PELI2: variants seen among roughly 807,000 people sequenced by gnomAD.
PELI2 encodes pellino E3 ubiquitin protein ligase family member 2.
A neutral mutation model predicts 42.3 loss-of-function variants in PELI2; 23 were observed. The ratio of observed to expected loss-of-function variants is 0.54; its 90% CI spans 0.39 to 0.77. The LOEUF (loss-of-function observed/expected upper bound fraction) is 0.77, where lower values mean the gene tolerates loss of function less well. Ranked by LOEUF, PELI2 falls within the 30% of genes least tolerant of loss-of-function variation. PELI2 has a pLI of 0.00. For missense variants in PELI2, 463 were observed against 553.2 expected (o/e 0.84, Z 1.64); for synonymous variants, 245 against 212.2 (o/e 1.15, Z -1.34).
chr14:56,213,165 AG>A (rs1283107283), intron 2 of PELI2, among the ~76,000 whole-genome samples: 1 of 152,260 alleles, frequency 6.6e-6, no homozygotes, highest in African/African-American at 2.4e-5. Flanking sequence ...TCTGAAGAAT[AG>A]GAACTCTGGC....
intron 2 of PELI2, among the ~76,000 whole-genome samples, chr14:56,223,889 A>G (rs2139755071): frequency 6.6e-6 from 1 of 152,348 alleles, no homozygotes; most frequent in East Asian, 1.9e-4. Flanking sequence ...AGTTCGTGTC[A>G]TATAATACTT....
At chr14:56,213,781 T>C (rs1287289290) in intron 2 of PELI2, among the ~76,000 whole-genome samples, 3 of 152,238 alleles carry the variant, frequency 2.0e-5, no homozygotes, top group Non-Finnish European at 4.4e-5. Context: ...TTTAGTTGGA[T>C]TTCTCCTGAA....
intron 1 of PELI2, among the ~76,000 whole-genome samples, chr14:56,151,347 C>A (rs761551209): frequency 1.3e-5 from 2 of 152,192 alleles, no homozygotes; most frequent in Non-Finnish European, 2.9e-5. Context: ...TTATCTTTAC[C>A]CCATGCTTAC....
At chr14:56,272,112 C>A (rs1889128090) in intron 2 of PELI2, among the ~76,000 whole-genome samples, 1 of 152,186 alleles carries the variant, frequency 6.6e-6, no homozygotes, top group South Asian at 2.1e-4. Context: ...ACAAAGAAGA[C>A]TATGCAGAGT....
chr14:56,175,039 A>G (rs996018109), intron 1 of PELI2, among the ~76,000 whole-genome samples: 1 of 152,056 alleles, frequency 6.6e-6, no homozygotes, highest in African/African-American at 2.4e-5. Context: ...TTTGTCACCC[A>G]GGCTGGAGTA....
chr14:56,187,923 G>T (rs149781806), intron 2 of PELI2, among the ~76,000 whole-genome samples: 1 of 152,168 alleles, frequency 6.6e-6, no homozygotes, highest in Non-Finnish European at 1.5e-5. Flanking sequence ...TCTGTGCTCC[G>T]CAGGTGGCCA....
intron 2 of PELI2, among the ~76,000 whole-genome samples, chr14:56,207,032 A>T (rs946880084): frequency 4.6e-5 from 7 of 152,220 alleles, no homozygotes; most frequent in Non-Finnish European, 1.0e-4. Flanking sequence ...TTCTGCAGAG[A>T]AATCCTGGAG....
intron 1 of PELI2, among the ~76,000 whole-genome samples, chr14:56,154,816 G>C (rs1349262518): frequency 6.6e-6 from 1 of 152,122 alleles, no homozygotes; most frequent in Non-Finnish European, 1.5e-5. Flanking sequence ...CTTTTATAAG[G>C]GTGTTGATGA....
intron 5 of PELI2, among the ~76,000 whole-genome samples, chr14:56,294,140 G>T (rs1228318492): frequency 6.6e-6 from 1 of 152,156 alleles, no homozygotes; most frequent in Non-Finnish European, 1.5e-5. Context: ...ATCATTTGTT[G>T]GGACCTTAAC....
chr14:56,300,788 G>GT lies in PELI2; in HGVS notation c.*3623dup, dbSNP rs1342826111. 6.6e-5 allele frequency: 10 copies of GT among 152,142 alleles called. No individual in the cohort carries two copies. The highest frequency in any genetic ancestry group is 2.4e-4 in the African/African-American group (10 of 41,418). 9.4% of individuals were successfully genotyped at this position (152,142 alleles called of 1,614,324 possible). A position where few individuals can be genotyped will look rare whatever the true frequency, so the allele number is the denominator to read the frequency against. On this transcript the variant is annotated 3_prime_UTR_variant, in exon 6 of 6. Transcript: ENST00000267460. ...CCTTTACTGTCAATCTTCTGTCCCA[G>GT]TAGTTTAGCCTTTGTGGCTTAGGTT...
intron 1 of PELI2, among the ~76,000 whole-genome samples, chr14:56,147,469 T>C (rs921481083): frequency 1.3e-5 from 2 of 152,210 alleles, no homozygotes; most frequent in African/African-American, 4.8e-5. Flanking sequence ...TGAAAATCAC[T>C]GGTGGGATGG....
chr14:56,257,263 C>G (rs987869095), intron 2 of PELI2, among the ~76,000 whole-genome samples: 3 of 151,952 alleles, frequency 2.0e-5, no homozygotes, highest in African/African-American at 7.3e-5. Context: ...ATGATCCTAC[C>G]CCCTCAGAGC....
chr14:56,292,270 C>T (rs1461174171), intron 5 of PELI2, among the ~76,000 whole-genome samples: 2 of 152,132 alleles, frequency 1.3e-5, no homozygotes, highest in Non-Finnish European at 2.9e-5. Flanking sequence ...TTAACCTGGC[C>T]AGTTACAAAG....
chr14:56,123,183 T>C (rs76266465), intron 1 of PELI2, among the ~76,000 whole-genome samples: 3,098 of 152,078 alleles, frequency 0.02, 50 homozygotes, highest in Middle Eastern at 0.058. Flanking sequence ...TGGTCTTTTT[T>C]TTTTTTTTAA....
intron 2 of PELI2, among the ~76,000 whole-genome samples, chr14:56,227,801 T>C (rs775690990): frequency 3.3e-5 from 5 of 152,100 alleles, no homozygotes; most frequent in Non-Finnish European, 7.4e-5. Flanking sequence ...ACCTGAACAT[T>C]GTGTTGTGCC....
intron 2 of PELI2, among the ~76,000 whole-genome samples, chr14:56,232,524 A>G (rs916903507): frequency 1.5e-4 from 23 of 152,118 alleles, no homozygotes; most frequent in Non-Finnish European, 2.9e-5. Flanking sequence ...GATTATCTCA[A>G]TAGATGCAGA....
chr14:56,128,270 C>G (rs1483922786), intron 1 of PELI2, among the ~76,000 whole-genome samples: 1 of 152,204 alleles, frequency 6.6e-6, no homozygotes, highest in African/African-American at 2.4e-5. Flanking sequence ...AAGGGCAAGA[C>G]AGATGACTTA....
At chr14:56,294,102 G>A (rs1889924088) in intron 5 of PELI2, among the ~76,000 whole-genome samples, 1 of 152,226 alleles carries the variant, frequency 6.6e-6, no homozygotes, top group South Asian at 2.1e-4. Context: ...AGGAGTCACA[G>A]TGTATGTCCT....
chr14:56,258,840 A>G (rs1212944935), intron 2 of PELI2, among the ~76,000 whole-genome samples: 1 of 152,146 alleles, frequency 6.6e-6, no homozygotes, highest in Non-Finnish European at 1.5e-5. Context: ...TGAAAATGAT[A>G]AAAGTCTAGA....
Sources: gnomAD v4.1 joint callset for allele counts (sites outside exome capture counted in the v4.1 genomes callset) on GRCh38, gnomAD v4.1.1 for gene constraint, MANE v1.5 for transcripts, NCBI Gene and HGNC (gene_info 2026-07-23, HGNC 2026-07-21) for gene names.